Variants in ZNF516 observed in about 807,000 individuals in gnomAD.
ZNF516 encodes the protein zinc finger protein 516.
ZNF516 carries 19 observed loss-of-function variants against 79.7 expected under a neutral mutation model. The observed-to-expected ratio is 0.24, with a 90% CI of 0.17 to 0.35. The LOEUF (loss-of-function observed/expected upper bound fraction) is 0.35, where lower values mean the gene tolerates loss of function less well. Among genes scored for constraint, ZNF516 ranks in the 10% least tolerant of loss-of-function variants. ZNF516 has a pLI of 1.00. For synonymous variants in ZNF516, 877 were observed against 739.5 expected, an observed-to-expected ratio of 1.19 and a Z score of -3.02; for missense variants, 1,678 against 1,679.5, an observed-to-expected ratio of 1.00 and a Z score of 0.02.
At chr18:76,425,632 C>T (rs1482039280) in intron 3 of ZNF516, among the ~76,000 whole-genome samples, 1 of 152,182 alleles carries the variant, frequency 6.6e-6, no homozygotes, top group Non-Finnish European at 1.5e-5. Flanking sequence ...GGGGCTGTTT[C>T]GATTTTGAAT....
chr18:76,400,621 G>A (rs186418649), intron 3 of ZNF516, among the ~76,000 whole-genome samples: 13 of 152,290 alleles, frequency 8.5e-5, no homozygotes, highest in Non-Finnish European at 1.5e-4. Context: ...ATCAAACTAC[G>A]TAGGCACGGC....
intron 1 of ZNF516, among the ~76,000 whole-genome samples, chr18:76,466,558 G>C (rs901699742): frequency 4.6e-5 from 7 of 152,260 alleles, no homozygotes; most frequent in African/African-American, 1.7e-4. Context: ...CCGGACCCAA[G>C]TGCTCTATGC....
chr18:76,364,426 G>C (rs1017571408), intron 6 of ZNF516, among the ~76,000 whole-genome samples: 1 of 152,204 alleles, frequency 6.6e-6, no homozygotes, highest in African/African-American at 2.4e-5. Flanking sequence ...GCCCACCATC[G>C]CCTTGTCTTC....
chr18:76,418,198 C>A (rs572212258), intron 3 of ZNF516, among the ~76,000 whole-genome samples: 2 of 152,044 alleles, frequency 1.3e-5, no homozygotes, highest in Middle Eastern at 3.2e-3. Flanking sequence ...CTATAACACA[C>A]TGTAACACAC....
At chr18:76,473,846 T>A (rs370756150) in intron 1 of ZNF516, among the ~76,000 whole-genome samples, 1 of 133,330 alleles carries the variant, frequency 7.5e-6, no homozygotes, top group Admixed American at 8.7e-5. Flanking sequence ...AAGGGTAAAG[T>A]AGAACTCACA....
intron 4 of ZNF516, among the ~76,000 whole-genome samples, chr18:76,376,233 A>G (rs1012089358): frequency 6.6e-6 from 1 of 152,182 alleles, no homozygotes; most frequent in African/African-American, 2.4e-5. Flanking sequence ...CCATCTGGAG[A>G]TGCTCGGCAC....
At chr18:76,440,744 G>GTT (rs778321047) in intron 3 of ZNF516, among the ~76,000 whole-genome samples, 12 of 36,950 alleles carry the variant, frequency 3.2e-4, no homozygotes, top group Admixed American at 1.7e-3. Context: ...GTGTGTGTTT[G>GTT]TGTGTGTGTG....
intron 3 of ZNF516, among the ~76,000 whole-genome samples, chr18:76,399,833 C>T (rs946713037): frequency 3.3e-5 from 5 of 152,048 alleles, no homozygotes; most frequent in Non-Finnish European, 5.9e-5. Context: ...AGGAGGAGAC[C>T]CAGCCACCAG....
upstream of ZNF516, chr18:76,496,322 AGTGGAGGTGGATT>A: frequency 7.8e-7 from 1 of 1,289,514 alleles, no homozygotes; most frequent in Non-Finnish European, 1.0e-6. Context: ...ATAACTCCGC[AGTGGAGGTGGATT>A]CCGTCCAAGA....
chr18:76,359,337 C>A lies in ZNF516; in HGVS notation c.*3161G>T, dbSNP rs1599117352. 1 of 152,208 alleles carries A rather than the reference C, an allele frequency of 6.6e-6. No individual in the cohort carries two copies. The highest frequency in any genetic ancestry group is 1.5e-5 in the Non-Finnish European group (1 of 68,050). The allele number at this position is 152,208 out of a possible 1,614,324, so 9.4% of individuals were successfully genotyped here. A position where few individuals can be genotyped will look rare whatever the true frequency, so the allele number is the denominator to read the frequency against. ...ATCTGTATGGTGCTGAGAATGAAATCTGTCCGTCTAAGATGACAATAAGAC... is the reference window on the plus strand; with the variant it reads ...ATCTGTATGGTGCTGAGAATGAAATATGTCCGTCTAAGATGACAATAAGAC... On this transcript the variant is annotated 3_prime_UTR_variant, in exon 7 of 7. Transcript: ENST00000443185.
chr18:76,370,996 G>T (rs1350686804), intron 5 of ZNF516, among the ~76,000 whole-genome samples: 3 of 152,134 alleles, frequency 2.0e-5, no homozygotes, highest in African/African-American at 7.2e-5. Flanking sequence ...ACAGTTTCCA[G>T]CCCGATCGGG....
chr18:76,363,763 A>G (rs936611422), intron 6 of ZNF516, among the ~76,000 whole-genome samples: 17 of 152,238 alleles, frequency 1.1e-4, no homozygotes, highest in African/African-American at 3.9e-4. Flanking sequence ...AGGGCTCACT[A>G]AGAACCAATT....
Position 76,442,578 on chromosome 18 carries a change from C to T in ZNF516, c.477G>A (p.Gly159=), listed in dbSNP as rs1338295727. The T allele has an allele frequency of 1.3e-6, 2 of 1,598,296 alleles. No individual in the cohort carries two copies. Among genetic ancestry groups the T allele is most frequent in the Non-Finnish European group, 8.5e-7 (1 of 1,179,350 alleles). ...GRVLLRSSKK[G]AEGSACAPGE... ...CCGGGGCGCATGCGGACCCCTCTGC[C>T]CCCTTCTTGCTGCTCCGCAGCAGGA... Residue 159 remains glycine (G), a synonymous_variant, in exon 3 of 7, where the codon GGG becomes GGA. Transcript: ENST00000443185.
chr18:76,362,968 G>A (rs536949046), intron 6 of ZNF516, among the ~76,000 whole-genome samples: 12 of 152,312 alleles, frequency 7.9e-5, no homozygotes, highest in South Asian at 4.1e-4. Context: ...ACAAGTGAAC[G>A]GTAGTTCCAA....
Position 76,379,980 on chromosome 18 carries a change from C to A in ZNF516, c.2134G>T (p.Asp712Tyr). 1 of 1,613,980 alleles carries A rather than the reference C, an allele frequency of 6.2e-7. No homozygotes were observed. The highest frequency in any genetic ancestry group is 1.3e-5 in the African/African-American group (1 of 75,030). ...QTGHPAEKLS[D>Y]LHNKEHSGGG... Reference sequence around the variant, plus strand: ...CCAGAGTGTTCCTTGTTGTGCAAATCGGACAGCTTTTCTGCAGGGTGACCC... The same window carrying A: ...CCAGAGTGTTCCTTGTTGTGCAAATAGGACAGCTTTTCTGCAGGGTGACCC... The change falls in exon 4 of 7, where the codon GAT (aspartate) becomes TAT (tyrosine). Residue 712 changes from aspartate (D) to tyrosine (Y), a missense_variant. By Grantham distance (160) the Asp-to-Tyr change is radical (BLOSUM62 -3). This residue lies in a region of ZNF516 where 1,294 missense variants were observed against 1,248.3 expected (regional missense o/e 1.04). Transcript: ENST00000443185.
At chr18:76,432,327 T>C (rs2075671342) in intron 3 of ZNF516, among the ~76,000 whole-genome samples, 1 of 152,030 alleles carries the variant, frequency 6.6e-6, no homozygotes. Flanking sequence ...GTACTGTCAT[T>C]ACCTGCTCTC....
chr18:76,371,363 G>A (rs2074700790), intron 5 of ZNF516, 104 bp downstream of exon 5: 1 of 1,200,650 alleles, frequency 8.3e-7, no homozygotes, highest in Non-Finnish European at 1.2e-6. Flanking sequence ...CCTGGTAGGG[G>A]CTGAAATCTC....
At chr18:76,381,156 G>A (rs2074886613) in intron 3 of ZNF516, among the ~76,000 whole-genome samples, 2 of 152,190 alleles carry the variant, frequency 1.3e-5, no homozygotes. Flanking sequence ...GCGTGAGACA[G>A]GGAGAAACAC....
intron 1 of ZNF516, among the ~76,000 whole-genome samples, chr18:76,479,078 G>T (rs1199028461): frequency 3.3e-5 from 5 of 152,052 alleles, no homozygotes; most frequent in African/African-American, 1.2e-4. Flanking sequence ...GATCCACTGG[G>T]GAAGAGAAAA....
Sources: gnomAD v4.1 joint callset for allele counts (sites outside exome capture counted in the v4.1 genomes callset) on GRCh38, gnomAD v4.1.1 for gene constraint, gnomAD v4.1.1 regional missense constraint, MANE v1.5 for transcripts, NCBI Gene and HGNC (gene_info 2026-07-23, HGNC 2026-07-21) for gene names.